The following IGFL2 variants were observed in gnomAD, a reference collection of about 807,000 sequenced individuals.
IGFL2 encodes insulin growth factor-like family member 2.
Under a neutral mutation model 13.9 loss-of-function variants are expected in IGFL2, and 7 were observed. The observed-to-expected ratio is 0.51, with a 90% CI of 0.29 to 0.95. The LOEUF (loss-of-function observed/expected upper bound fraction) is 0.95. Ranked by LOEUF, IGFL2 falls within the 40% of genes least tolerant of loss-of-function variation. IGFL2 has a pLI of 0.08. For synonymous variants in IGFL2, 55 were observed against 55.8 expected (o/e 0.99, Z 0.07); for missense variants, 138 against 147.8 (o/e 0.93, Z 0.34).
chr19:46,136,032 A>T, the IGFL2 span, among the ~76,000 whole-genome samples: 1 of 152,000 alleles, frequency 6.6e-6, no homozygotes, highest in Non-Finnish European at 1.5e-5. Flanking sequence ...TTTTTTCTTT[A>T]TATTGACCTT....
At chr19:46,124,684 G>A in the IGFL2 span, 2 of 1,595,676 alleles carry the variant, frequency 1.3e-6, no homozygotes, top group Non-Finnish European at 1.7e-6. Context: ...TTGAAGAAGA[G>A]TGGTAAAAGG....
At chr19:46,171,910 A>G in the IGFL2 span, among the ~76,000 whole-genome samples, 1 of 152,214 alleles carries the variant, frequency 6.6e-6, no homozygotes, top group East Asian at 1.9e-4. Context: ...TGGTGCAAAT[A>G]ATATATTGTT....
At chr19:46,205,459 G>T in the IGFL2 span, among the ~76,000 whole-genome samples, 4 of 152,194 alleles carry the variant, frequency 2.6e-5, no homozygotes, top group Non-Finnish European at 5.9e-5. Flanking sequence ...TTAGGGTGGG[G>T]TGGTCAGCTT....
At chr19:46,160,556 G>A in intron 2 of IGFL2, 58 bp from the exon 3 acceptor site, 1 of 1,612,848 alleles carries the variant, frequency 6.2e-7, no homozygotes, top group Non-Finnish European at 8.5e-7. Context: ...CCTGATTGGG[G>A]GATGTAGTGC....
At chr19:46,198,020 TCCC>T in the IGFL2 span, 12 of 26,080 alleles carry the variant, frequency 4.6e-4, no homozygotes, top group African/African-American at 1.6e-3. Flanking sequence ...CCTCCCTCCC[TCCC>T]TCCCTTCCTT....
upstream of IGFL2, among the ~76,000 whole-genome samples, chr19:46,140,655 C>T (rs1972820382): frequency 6.6e-6 from 1 of 152,170 alleles, no homozygotes; most frequent in African/African-American, 2.4e-5. Context: ...GAGCAAACTA[C>T]TACCCTACGA....
At chr19:46,101,763 C>T in the IGFL2 span, among the ~76,000 whole-genome samples, 2,030 of 152,262 alleles carry the variant, frequency 0.013, 31 homozygotes, top group Middle Eastern at 0.027. Context: ...CCGGCCCAAC[C>T]GCTGTTGAGA....
chr19:46,084,275 T>G, the IGFL2 span, among the ~76,000 whole-genome samples: 1 of 152,258 alleles, frequency 6.6e-6, no homozygotes, highest in Non-Finnish European at 1.5e-5. Flanking sequence ...AGCTGTTGGA[T>G]GAACTGTTTT....
the IGFL2 span, among the ~76,000 whole-genome samples, chr19:46,110,542 A>G: frequency 6.6e-6 from 1 of 152,244 alleles, no homozygotes; most frequent in African/African-American, 2.4e-5. Flanking sequence ...TTAGTATACA[A>G]TTAAAGTGGC....
chr19:46,148,372 T>C, intron 1 of IGFL2, 75 bp downstream of exon 1: 2 of 1,253,224 alleles, frequency 1.6e-6, no homozygotes, highest in Non-Finnish European at 2.3e-6. Flanking sequence ...TCAAACTTAA[T>C]TCTCTCTTCC....
chr19:46,161,198 C>A lies in IGFL2; in HGVS notation c.*110C>A. 2 of 790,570 alleles carry A rather than the reference C, an allele frequency of 2.5e-6. No homozygotes were observed. The highest frequency in any genetic ancestry group is 2.3e-5 in the Admixed American group (1 of 42,968). The allele number at this position is 790,570 out of a possible 1,614,324, so 49.0% of individuals were successfully genotyped here. On this transcript the variant is annotated 3_prime_UTR_variant, in exon 4 of 4. Transcript: ENST00000377693. ...AGGAATTTACAAAATGATGCAGCTC[C>A]AAGCCATTGTATGGCCCATGTGGGA...
the IGFL2 span, among the ~76,000 whole-genome samples, chr19:46,089,119 T>G: frequency 6.6e-6 from 1 of 152,250 alleles, no homozygotes; most frequent in Non-Finnish European, 1.5e-5. Context: ...TTTGATTCCT[T>G]ACTTTTTATT....
the IGFL2 span, among the ~76,000 whole-genome samples, chr19:46,099,504 G>A: frequency 1.8e-4 from 28 of 151,352 alleles, no homozygotes; most frequent in Admixed American, 8.6e-4. Flanking sequence ...ATAGTTCTCG[G>A]AGGTTTTGTT....
chr19:46,114,948 A>G, the IGFL2 span, among the ~76,000 whole-genome samples: 2,336 of 152,278 alleles, frequency 0.015, 52 homozygotes, highest in African/African-American at 0.052. Flanking sequence ...ATTTTCATCC[A>G]TAGCCCTAGT....
the IGFL2 span, among the ~76,000 whole-genome samples, chr19:46,180,180 C>CTTT: frequency 3.5e-5 from 5 of 141,202 alleles, no homozygotes; most frequent in South Asian, 2.3e-4. Context: ...TGATATTTTT[C>CTTT]TTTTTTTTTT....
At chr19:46,126,750 C>T in the IGFL2 span, among the ~76,000 whole-genome samples, 1 of 152,150 alleles carries the variant, frequency 6.6e-6, no homozygotes, top group Non-Finnish European at 1.5e-5. Context: ...GACAGTTACA[C>T]TCAACACATG....
chr19:46,086,670 GT>G, the IGFL2 span, among the ~76,000 whole-genome samples: 1 of 152,148 alleles, frequency 6.6e-6, no homozygotes, highest in African/African-American at 2.4e-5. Flanking sequence ...GAATTATTGT[GT>G]TCCTTTGGAT....
At chr19:46,195,562 G>A in the IGFL2 span, among the ~76,000 whole-genome samples, 1 of 152,214 alleles carries the variant, frequency 6.6e-6, no homozygotes. Flanking sequence ...CAAAGACAGA[G>A]GAGTCTAAAT....
upstream of IGFL2, among the ~76,000 whole-genome samples, chr19:46,145,638 T>TGTGTGTG (rs1568421144): frequency 3.5e-5 from 4 of 112,894 alleles, no homozygotes; most frequent in African/African-American, 2.0e-4. Flanking sequence ...GTGTGTGTAT[T>TGTGTGTG]TATTTATTTA....
Sources: allele counts gnomAD v4.1 joint callset (sites outside exome capture counted in the v4.1 genomes callset), GRCh38; gene constraint gnomAD v4.1.1; transcripts MANE v1.5; gene names NCBI Gene and HGNC (gene_info 2026-07-23, HGNC 2026-07-21).